Variants in TANC1 observed in about 807,000 individuals in gnomAD.
TANC1 encodes tetratricopeptide repeat, ankyrin repeat and coiled-coil containing 1.
In TANC1, 77 loss-of-function variants were observed where a neutral mutation model predicts 149.7. That is an observed-to-expected ratio of 0.51 (90% CI 0.43 to 0.62). The LOEUF is 0.62. TANC1 is among the 20% of genes least tolerant of loss of function. The pLI, the probability that TANC1 is intolerant of heterozygous loss-of-function variation, is 0.00. For missense variants in TANC1, 1,985 were observed against 2,321.8 expected, an observed-to-expected ratio of 0.85 and a Z score of 2.98; for synonymous variants, 854 against 925.0, an observed-to-expected ratio of 0.92 and a Z score of 1.39.
chr2:159,091,532 TAGAG>T (rs1393435826), intron 3 of TANC1, among the ~76,000 whole-genome samples: 2 of 152,334 alleles, frequency 1.3e-5, no homozygotes, highest in African/African-American at 4.8e-5. Context: ...CTTTGACAAT[TAGAG>T]AGGAAATGCC....
At chr2:159,115,150 C>A (rs542643091) in intron 4 of TANC1, among the ~76,000 whole-genome samples, 20 of 151,596 alleles carry the variant, frequency 1.3e-4, no homozygotes, top group Non-Finnish European at 2.8e-4. Context: ...GAGCGAGACT[C>A]TCCTTTCGGA....
chr2:159,163,649 G>A (rs950571935), intron 8 of TANC1, 103 bp downstream of exon 8: 21 of 1,336,392 alleles, frequency 1.6e-5, no homozygotes, highest in African/African-American at 8.8e-5. Context: ...AGCCAGCTTC[G>A]TGGCCGTGGG....
At position 159,065,966 on chromosome 2, in the gene TANC1, A is replaced by G; in HGVS notation, c.56A>G (p.Glu19Gly). The G allele has an allele frequency of 6.2e-7, 1 of 1,613,148 alleles. No individual in the cohort carries two copies. Among genetic ancestry groups the G allele is most frequent in the Non-Finnish European group, 8.5e-7 (1 of 1,179,096 alleles). Reference protein sequence around the residue: ...SREGGKGGKKEAGSDFGPETS... With the variant: ...SREGGKGGKKGAGSDFGPETS... ...GAGGGAGGAAAGGGAGGCAAGAAGG[A>G]AGCAGGTATGTGTGCAAGAATGAGA... Residue 19 changes from glutamate (E) to glycine (G), a missense_variant, in exon 3 of 27, where the codon GAA (glutamate) becomes GGA (glycine). Physicochemically the swap from Glu to Gly is moderately conservative, Grantham distance 98. Around this residue, in one of 3 missense-constraint regions of TANC1, gnomAD observed 557 missense variants for 612.9 expected, o/e 0.91. Transcript: ENST00000263635.
intron 3 of TANC1, among the ~76,000 whole-genome samples, chr2:159,066,969 T>C (rs539980272): frequency 6.6e-6 from 1 of 152,354 alleles, no homozygotes; most frequent in African/African-American, 2.4e-5. Flanking sequence ...ATGAATTGAC[T>C]TGCCTGAAAT....
intron 4 of TANC1, among the ~76,000 whole-genome samples, chr2:159,107,585 T>A (rs551732308): frequency 1.7e-4 from 26 of 152,330 alleles, no homozygotes; most frequent in South Asian, 1.0e-3. Flanking sequence ...TGGCACCATT[T>A]ACTGAAAAGA....
At chr2:159,227,457 C>T (rs1189123690) in intron 24 of TANC1, 4 of 221,940 alleles carry the variant, frequency 1.8e-5, no homozygotes, top group Non-Finnish European at 3.5e-5. Context: ...TTCTATTACA[C>T]TTAGCATTCA....
chr2:159,082,483 T>C (rs1217992750), intron 3 of TANC1, among the ~76,000 whole-genome samples: 1 of 152,232 alleles, frequency 6.6e-6, no homozygotes, highest in African/African-American at 2.4e-5. Flanking sequence ...TGGCTTGCTT[T>C]TCTGCTCCTT....
At chr2:159,121,771 C>A (rs2048874603) in intron 4 of TANC1, among the ~76,000 whole-genome samples, 1 of 152,178 alleles carries the variant, frequency 6.6e-6, no homozygotes, top group South Asian at 2.1e-4. Context: ...ATTTGCACTG[C>A]CAAGTTTTCT....
intron 19 of TANC1, among the ~76,000 whole-genome samples, chr2:159,211,485 G>A (rs928707481): frequency 2.0e-5 from 3 of 152,152 alleles, no homozygotes; most frequent in African/African-American, 4.8e-5. Context: ...CTTTTCCTTC[G>A]GGTCAGGTGG....
intron 4 of TANC1, among the ~76,000 whole-genome samples, chr2:159,112,099 T>G (rs899619264): frequency 5.9e-5 from 9 of 152,208 alleles, no homozygotes; most frequent in South Asian, 2.1e-4. Flanking sequence ...ATAATTCACT[T>G]TTTTCAGTTA....
chr2:159,179,732 G>A (rs1302198025), intron 14 of TANC1, among the ~76,000 whole-genome samples: 1 of 152,214 alleles, frequency 6.6e-6, no homozygotes, highest in African/African-American at 2.4e-5. Flanking sequence ...TCTGTGTGGT[G>A]GACTGGACCA....
chr2:159,192,219 A>G (rs1198648072), intron 16 of TANC1, among the ~76,000 whole-genome samples: 1 of 152,138 alleles, frequency 6.6e-6, no homozygotes. Context: ...GGACATTTCC[A>G]TATTTTCTGT....
chr2:159,199,478 C>T (rs887509749), intron 19 of TANC1, among the ~76,000 whole-genome samples: 1 of 152,216 alleles, frequency 6.6e-6, no homozygotes, highest in Admixed American at 6.5e-5. Context: ...GTGGCCTGCC[C>T]TGCCCTGTAC....
At chr2:158,990,096 T>C (rs948889058) in intron 1 of TANC1, among the ~76,000 whole-genome samples, 2 of 152,046 alleles carry the variant, frequency 1.3e-5, no homozygotes, top group African/African-American at 4.8e-5. Flanking sequence ...TTTGTATTTT[T>C]AGTAGAGATG....
chr2:159,139,930 A>C (rs560861785), intron 5 of TANC1, among the ~76,000 whole-genome samples: 8 of 152,128 alleles, frequency 5.3e-5, no homozygotes, highest in Non-Finnish European at 1.2e-4. Flanking sequence ...AAGAGGTATA[A>C]AGCATAAAGG....
chr2:159,171,973 A>G (rs2055303500), intron 10 of TANC1, 148 bp from the exon 11 acceptor site: 1 of 614,078 alleles, frequency 1.6e-6, no homozygotes, highest in Non-Finnish European at 2.7e-6. Context: ...ACAGATGGGA[A>G]CCTGTGCTCT....
chr2:159,172,877 C>T (rs531140901), intron 11 of TANC1, among the ~76,000 whole-genome samples: 57 of 152,246 alleles, frequency 3.7e-4, no homozygotes, highest in East Asian at 9.7e-4. Flanking sequence ...TGGTGTGAGT[C>T]GGTGGAGCTG....
At chr2:159,116,184 T>C (rs2048225354) in intron 4 of TANC1, among the ~76,000 whole-genome samples, 1 of 152,116 alleles carries the variant, frequency 6.6e-6, no homozygotes, top group Non-Finnish European at 1.5e-5. Context: ...CCCAGCACTT[T>C]GGGAGGCCGA....
rs1245461349 is a variant in TANC1 at position 159,149,063 on chromosome 2, G to T, written c.365-79G>T. ...ACACACAAAATCACCAGACAAAGCA[G>T]CTGTAGTGTGAACTCATCCAGATGC... On this transcript the variant is annotated intron_variant, in intron 5 of 26. Transcript: ENST00000263635. 2.1e-6 allele frequency: 3 copies of T among 1,457,918 alleles called. No individual in the cohort carries two copies. In the African/African-American group the frequency reaches 4.3e-5, roughly 21 times the overall value. 90.3% of individuals were successfully genotyped at this position (1,457,918 alleles called of 1,614,324 possible).
Sources: allele counts gnomAD v4.1 joint callset (sites outside exome capture counted in the v4.1 genomes callset), GRCh38; gene constraint gnomAD v4.1.1; regional missense constraint gnomAD v4.1.1; transcripts MANE v1.5; gene names NCBI Gene and HGNC (gene_info 2026-07-23, HGNC 2026-07-21).